RYR2: variants seen among roughly 807,000 people sequenced by gnomAD.
RYR2 encodes cardiac muscle ryanodine receptor-calcium release channel.
RYR2 carries 227 observed loss-of-function variants against 601.1 expected under a neutral mutation model. The observed-to-expected ratio is 0.38, with a 90% CI of 0.34 to 0.42. The LOEUF (loss-of-function observed/expected upper bound fraction) is 0.42. Among genes scored for constraint, RYR2 ranks in the 10% least tolerant of loss-of-function variants. RYR2 has a pLI of 1.00. For synonymous variants in RYR2, 2,223 were observed against 2,175.1 expected (o/e 1.02, Z -0.61); for missense variants, 4,646 against 6,156.5 (o/e 0.75, Z 8.21).
chr1:237,159,866 T>C (rs187483378), intron 1 of RYR2, among the ~76,000 whole-genome samples: 3 of 152,310 alleles, frequency 2.0e-5, no homozygotes, highest in Admixed American at 2.0e-4. Context: ...AAAATCAGCT[T>C]CATTTAGTGG....
At chr1:237,600,939 T>C (rs910311726) in intron 34 of RYR2, among the ~76,000 whole-genome samples, 1 of 152,014 alleles carries the variant, frequency 6.6e-6, no homozygotes, top group South Asian at 2.1e-4. Context: ...CAAAAGATAA[T>C]AAGCATTGGC....
chr1:237,483,630 G>C (rs941297008), intron 17 of RYR2, among the ~76,000 whole-genome samples: 4 of 152,170 alleles, frequency 2.6e-5, no homozygotes, highest in African/African-American at 9.6e-5. Context: ...CTTCTGAAAG[G>C]ATGATGGTCT....
chr1:237,138,016 A>ATATTTTATTTTATTTTATTT (rs376745141), intron 1 of RYR2, among the ~76,000 whole-genome samples: 118 of 151,490 alleles, frequency 7.8e-4, no homozygotes, highest in African/African-American at 2.8e-3. Context: ...TGCACTGGAT[A>ATATTTTATTTTATTTTATTT]TATTTTATTT....
chr1:237,617,260 T>G (rs779821854), intron 37 of RYR2, 26 bp from the exon 38 acceptor site: 2 of 1,564,938 alleles, frequency 1.3e-6, no homozygotes, highest in South Asian at 2.3e-5. Context: ...GAAATTAAAT[T>G]TGGTGTCTTT....
In RYR2 at chr1:237,727,054, G is replaced by A. The variant is rs73101968; in HGVS notation, c.10726-33G>A. The A allele has an allele frequency of 6.7e-4, 696 of 1,041,652 alleles. 4 individuals are homozygous for A. In the African/African-American group the frequency reaches 8.7e-3, roughly 13 times the overall value. The allele number at this position is 1,041,652 out of a possible 1,614,324, so 64.5% of individuals were successfully genotyped here. ...TATTTGTTTTTGAAGGTAGTTTGGGGTGTAAATATTTATTTGTGTCATTCT... is the reference window on the plus strand; with the variant it reads ...TATTTGTTTTTGAAGGTAGTTTGGGATGTAAATATTTATTTGTGTCATTCT... On this transcript the variant is annotated intron_variant, in intron 75 of 104. Coordinates refer to ENST00000366574, the MANE Select transcript of RYR2 (RefSeq NM_001035.3).
intron 1 of RYR2, among the ~76,000 whole-genome samples, chr1:237,061,272 CT>C (rs1223059768): frequency 7.5e-6 from 1 of 132,468 alleles, no homozygotes; most frequent in African/African-American, 2.9e-5. Flanking sequence ...ATCTATCCAT[CT>C]ATCATCTATC....
rs374262321 is a variant in RYR2, at chr1:237,646,112, C to T, written c.7343-2332C>T. On this transcript the variant is annotated intron_variant, in intron 48 of 104. Transcript: ENST00000366574. ...CAGGATGGTCTCGATCTCCTGACCT[C>T]GTGATCGGCACATCTCGGCCTCCCA... is the stretch of plus-strand genomic sequence containing the variant. Among the ~76,000 whole-genome samples, 23 of 152,190 alleles carry T rather than the reference C, an allele frequency of 1.5e-4. No homozygotes were observed. In the East Asian group the frequency reaches 2.7e-3, roughly 18 times the overall value.
At chr1:237,346,186 C>T (rs551961891) in intron 3 of RYR2, among the ~76,000 whole-genome samples, 3 of 151,572 alleles carry the variant, frequency 2.0e-5, no homozygotes, top group Admixed American at 6.6e-5. Flanking sequence ...GGCAACATGG[C>T]GAGACTCTGT....
chr1:237,545,679 T>G (rs1478991683), intron 25 of RYR2, among the ~76,000 whole-genome samples: 1 of 152,066 alleles, frequency 6.6e-6, no homozygotes, highest in East Asian at 1.9e-4. Context: ...ACTGTTAAAC[T>G]TGGAAATTAG....
chr1:237,459,266 C>T (rs965787633), intron 16 of RYR2, among the ~76,000 whole-genome samples: 1 of 152,158 alleles, frequency 6.6e-6, no homozygotes, highest in African/African-American at 2.4e-5. Context: ...GCCTGGACAG[C>T]AGAGGAAAAC....
At chr1:237,607,509 G>A (rs1677276113) in intron 35 of RYR2, among the ~76,000 whole-genome samples, 1 of 152,062 alleles carries the variant, frequency 6.6e-6, no homozygotes, top group Non-Finnish European at 1.5e-5. Flanking sequence ...CACCAACATG[G>A]CACATGTATA....
chr1:237,500,144 C>T (rs981178245), intron 20 of RYR2, among the ~76,000 whole-genome samples: 7 of 151,980 alleles, frequency 4.6e-5, no homozygotes, highest in Admixed American at 1.3e-4. Flanking sequence ...TTTCTGCTTT[C>T]GTTATCTTTA....
chr1:237,133,940 A>AAAAAAAC (rs1672465133), intron 1 of RYR2, among the ~76,000 whole-genome samples: 2 of 150,690 alleles, frequency 1.3e-5, no homozygotes, highest in Non-Finnish European at 1.5e-5. Flanking sequence ...AAAAAAAAAA[A>AAAAAAAC]CCAAGTGGGA....
chr1:237,708,623 C>T (rs1197999164), intron 68 of RYR2, among the ~76,000 whole-genome samples: 1 of 152,006 alleles, frequency 6.6e-6, no homozygotes, highest in Non-Finnish European at 1.5e-5. Flanking sequence ...TCTAAATTAG[C>T]TATCTATTCT....
chr1:237,656,812 A>T (rs1683291268), intron 53 of RYR2, among the ~76,000 whole-genome samples: 1 of 152,184 alleles, frequency 6.6e-6, no homozygotes, highest in African/African-American at 2.4e-5. Context: ...GTATGCCATT[A>T]GTTTGATAAT....
At chr1:237,821,689 GAAGT>G (rs1013605126) in intron 101 of RYR2, among the ~76,000 whole-genome samples, 2 of 151,974 alleles carry the variant, frequency 1.3e-5, no homozygotes, top group Non-Finnish European at 2.9e-5. Flanking sequence ...CAAATTGACA[GAAGT>G]AAGCTTCAGA....
chr1:237,270,609 A>G lies in RYR2; in HGVS notation c.161A>G (p.Asn54Ser). The change falls in exon 2 of 105, where the codon AAT becomes AGT. Residue 54 changes from asparagine to serine, a missense_variant. Around this residue, in one of 17 missense-constraint regions of RYR2, gnomAD observed 153 missense variants for 203.6 expected, o/e 0.75. Transcript: ENST00000366574. ...NRLCFLESTS[N>S]SKNVPPDLSI... Reference sequence around the variant, plus strand: ...CTTTGTTTCTTGGAGTCCACTTCCAATTCCAAGGTGGGATGAAGTCTTTCA... The same window carrying G: ...CTTTGTTTCTTGGAGTCCACTTCCAGTTCCAAGGTGGGATGAAGTCTTTCA... The G allele has an allele frequency of 1.9e-6, 3 of 1,581,702 alleles. No homozygotes were observed. Among genetic ancestry groups the G allele is most frequent in the Non-Finnish European group, 2.6e-6 (3 of 1,162,870 alleles).
chr1:237,064,972 T>C (rs1226227761), intron 1 of RYR2, among the ~76,000 whole-genome samples: 1 of 152,080 alleles, frequency 6.6e-6, no homozygotes, highest in Non-Finnish European at 1.5e-5. Context: ...AAGTCCCCCA[T>C]GAGAAACTAA....
At chr1:237,100,431 A>G (rs1410941514) in intron 1 of RYR2, among the ~76,000 whole-genome samples, 1 of 149,498 alleles carries the variant, frequency 6.7e-6, no homozygotes, top group East Asian at 2.0e-4. Context: ...CTTTCACCCA[A>G]GCTGGAGTGC....
Sources: gnomAD v4.1 joint callset for allele counts (sites outside exome capture counted in the v4.1 genomes callset) on GRCh38, gnomAD v4.1.1 for gene constraint, gnomAD v4.1.1 regional missense constraint, MANE v1.5 for transcripts, NCBI Gene and HGNC (gene_info 2026-07-23, HGNC 2026-07-21) for gene names.